Variants in LRIG2 observed in about 807,000 individuals in gnomAD.
LRIG2 encodes the protein leucine-rich repeats and immunoglobulin-like domains protein 2.
LRIG2 carries 93 observed loss-of-function variants against 107.8 expected under a neutral mutation model. The ratio of observed to expected loss-of-function variants is 0.86; its 90% CI spans 0.73 to 1.03. The LOEUF is 1.03. Among genes scored for constraint, LRIG2 ranks in the 50% least tolerant of loss-of-function variants. The pLI, the probability that LRIG2 is intolerant of heterozygous loss-of-function variation, is 0.00. For synonymous variants in LRIG2, 471 were observed against 470.6 expected (o/e 1.00, Z -0.01); for missense variants, 1,226 against 1,296.0 (o/e 0.95, Z 0.83).
intron 16 of LRIG2, among the ~76,000 whole-genome samples, chr1:113,118,002 CT>C (rs1464703742): frequency 1.3e-5 from 2 of 151,900 alleles, no homozygotes; most frequent in African/African-American, 4.8e-5. Context: ...TCACTGTAAC[CT>C]TTGCCTCCCC....
intron 1 of LRIG2, among the ~76,000 whole-genome samples, chr1:113,078,754 C>T (rs1653111295): frequency 6.6e-6 from 1 of 151,752 alleles, no homozygotes; most frequent in Non-Finnish European, 1.5e-5. Context: ...GCTTCTCCTG[C>T]CTCAGCCTCC....
At chr1:113,084,342 A>G (rs1653445594) in intron 1 of LRIG2, among the ~76,000 whole-genome samples, 2 of 150,648 alleles carry the variant, frequency 1.3e-5, no homozygotes, top group Non-Finnish European at 2.9e-5. Flanking sequence ...CAGCCTCCCG[A>G]GTAGCTGGGA....
intron 15 of LRIG2, among the ~76,000 whole-genome samples, chr1:113,115,511 A>G (rs1292801932): frequency 2.1e-5 from 3 of 141,598 alleles, no homozygotes; most frequent in Admixed American, 7.6e-5. Context: ...GCGTCTGACC[A>G]ATTTTAAGAA....
chr1:113,098,676 G>A (rs528239507), intron 8 of LRIG2, 29 bp from the exon 9 acceptor site: 3 of 1,376,760 alleles, frequency 2.2e-6, no homozygotes, highest in African/African-American at 2.8e-5. Context: ...TTGACTAATA[G>A]CACCTGTCTT....
At position 113,130,214 on chromosome 1, in the gene LRIG2, C is replaced by T. The variant is rs1019425792; in HGVS notation, c.*6113C>T. 2 of 152,146 alleles carry T rather than the reference C, an allele frequency of 1.3e-5. No homozygotes were observed. The highest frequency in any genetic ancestry group is 2.4e-5 in the African/African-American group (1 of 41,420). 9.4% of individuals were successfully genotyped at this position (152,146 alleles called of 1,614,324 possible). A position where few individuals can be genotyped will look rare whatever the true frequency, so the allele number is the denominator to read the frequency against. On this transcript the variant is annotated 3_prime_UTR_variant, in exon 18 of 18. Transcript: ENST00000361127. ...CTTTCCCTCGTATACAAGCTACTCT[C>T]CTGAAAAAAATAGCAGGAACCCATT...
chr1:113,101,363 C>T (rs899875242), intron 11 of LRIG2, among the ~76,000 whole-genome samples: 3 of 151,932 alleles, frequency 2.0e-5, no homozygotes, highest in African/African-American at 7.3e-5. Flanking sequence ...CCACCGGTCC[C>T]GCCTGGTATT....
intron 16 of LRIG2, 119 bp from the exon 17 acceptor site, chr1:113,119,114 A>G (rs1167301993): frequency 2.3e-6 from 2 of 878,344 alleles, no homozygotes; most frequent in Non-Finnish European, 3.5e-6. Context: ...CACCTACTTT[A>G]TAAAGTAAGT....
At chr1:113,105,443 T>C (rs1372915177) in intron 11 of LRIG2, among the ~76,000 whole-genome samples, 1 of 152,212 alleles carries the variant, frequency 6.6e-6, no homozygotes, top group Non-Finnish European at 1.5e-5. Flanking sequence ...TATATAACTT[T>C]AATGGAAAGT....
chr1:113,116,215 A>G (rs963823129), intron 15 of LRIG2, 72 bp from the exon 16 acceptor site: 10 of 1,381,256 alleles, frequency 7.2e-6, no homozygotes, highest in Non-Finnish European at 5.0e-6. Context: ...AGTGGAACAC[A>G]TTTGCAAAAT....
chr1:113,109,272 T>G (rs1263023680), intron 12 of LRIG2, among the ~76,000 whole-genome samples: 1 of 152,232 alleles, frequency 6.6e-6, no homozygotes, highest in African/African-American at 2.4e-5. Context: ...GGTTAAGAAT[T>G]TATATACCTG....
At chr1:113,088,342 C>T (rs1229468368) in intron 1 of LRIG2, among the ~76,000 whole-genome samples, 2 of 152,118 alleles carry the variant, frequency 1.3e-5, no homozygotes, top group African/African-American at 4.8e-5. Flanking sequence ...TACTCTTTCC[C>T]AAAACAGAGG....
chr1:113,096,357 T>G lies in LRIG2; in HGVS notation c.1083T>G (p.Leu361=). 1 of 1,613,284 alleles carries G rather than the reference T, an allele frequency of 6.2e-7. No individual in the cohort carries two copies. Among genetic ancestry groups the G allele is most frequent in the East Asian group, 2.2e-5 (1 of 44,882 alleles). ...ADGVFRFLSN[L]QTLDLRNNEI... is the part of the protein sequence containing the mutation. ...GTGTATTTAGATTTCTTTCCAATCT[T>G]CAGACATTGTAAGTATATCCATTCT... The change falls in exon 8 of 18, where the codon CTT becomes CTG. Residue 361 remains leucine, a synonymous_variant. Transcript: ENST00000361127.
intron 11 of LRIG2, among the ~76,000 whole-genome samples, chr1:113,106,576 C>T (rs1654548484): frequency 6.6e-6 from 1 of 152,100 alleles, no homozygotes; most frequent in Admixed American, 6.5e-5. Context: ...GTGATCTCGG[C>T]TCACTGCAAC....
At chr1:113,097,181 A>C (rs1256369857) in intron 8 of LRIG2, among the ~76,000 whole-genome samples, 1 of 150,474 alleles carries the variant, frequency 6.6e-6, no homozygotes, top group Non-Finnish European at 1.5e-5. Context: ...TTATATATTT[A>C]TATATAAATA....
chr1:113,124,239 G>T lies in LRIG2; in HGVS notation c.*138G>T, dbSNP rs576902980. 5.6e-5 allele frequency: 41 copies of T among 731,872 alleles called. No homozygotes were observed. The highest frequency in any genetic ancestry group is 7.9e-4 in the Middle Eastern group (2 of 2,538). The allele number at this position is 731,872 out of a possible 1,614,324, so 45.3% of individuals were successfully genotyped here. On this transcript the variant is annotated 3_prime_UTR_variant, in exon 18 of 18. Coordinates refer to ENST00000361127, the MANE Select transcript of LRIG2 (RefSeq NM_014813.3). ...ATTGCATCTGACCGCACCAAGGTGGGCCATGCGTTGTTTGGTCTTATACCT... is the reference window on the plus strand; with the variant it reads ...ATTGCATCTGACCGCACCAAGGTGGTCCATGCGTTGTTTGGTCTTATACCT...
chr1:113,125,760 A>G lies in LRIG2; in HGVS notation c.*1659A>G, dbSNP rs539443518. On this transcript the variant is annotated 3_prime_UTR_variant, in exon 18 of 18. Transcript: ENST00000361127. The stretch of plus-strand genomic sequence containing the variant: ...AAATCACTATCACTGTCCATATTTG[A>G]GTCTGCAAATCTTGTCATTGTCTGC... 5.9e-5 allele frequency: 9 copies of G among 152,336 alleles called. No individual in the cohort carries two copies. The South Asian group carries it at 1.2e-3, about 21-fold the overall frequency. The allele number at this position is 152,336 out of a possible 1,614,324, so 9.4% of individuals were successfully genotyped here. A position where few individuals can be genotyped will look rare whatever the true frequency, so the allele number is the denominator to read the frequency against.
At chr1:113,078,234 T>C (rs146698033) in intron 1 of LRIG2, among the ~76,000 whole-genome samples, 2,079 of 152,012 alleles carry the variant, frequency 0.014, 16 homozygotes, top group Non-Finnish European at 0.019. Flanking sequence ...TATTAACATG[T>C]GGATTTAGTC....
chr1:113,095,739 T>C, intron 6 of LRIG2, 135 bp from the exon 7 acceptor site: 1 of 759,404 alleles, frequency 1.3e-6, no homozygotes, highest in Non-Finnish European at 2.1e-6. Context: ...TATTCATTTT[T>C]ATTGAATAGA....
At chr1:113,102,140 C>A (rs940087987) in intron 11 of LRIG2, among the ~76,000 whole-genome samples, 1 of 152,004 alleles carries the variant, frequency 6.6e-6, no homozygotes, top group Non-Finnish European at 1.5e-5. Flanking sequence ...TTTCCAGGCA[C>A]AAGGAGTAGG....
Sources: allele counts gnomAD v4.1 joint callset (sites outside exome capture counted in the v4.1 genomes callset), GRCh38; gene constraint gnomAD v4.1.1; transcripts MANE v1.5; gene names NCBI Gene and HGNC (gene_info 2026-07-23, HGNC 2026-07-21).